The following COL5A2 variants were observed in gnomAD, a reference collection of about 807,000 sequenced individuals.
COL5A2 encodes the protein collagen alpha-2(V) chain.
In COL5A2, 23 loss-of-function variants were observed where a neutral mutation model predicts 208.2. The observed-to-expected ratio is 0.11, with a 90% CI of 0.08 to 0.16. COL5A2 has a LOEUF of 0.16. Among genes scored for constraint, COL5A2 ranks in the 10% least tolerant of loss-of-function variants. The pLI is 1.00. For synonymous variants in COL5A2, 625 were observed against 628.5 expected, an observed-to-expected ratio of 0.99 and a Z score of 0.08; for missense variants, 1,590 against 1,956.4, an observed-to-expected ratio of 0.81 and a Z score of 3.53.
At chr2:189,176,583 T>C (rs1422398527) in intron 1 of COL5A2, among the ~76,000 whole-genome samples, 1 of 152,092 alleles carries the variant, frequency 6.6e-6, no homozygotes, top group Non-Finnish European at 1.5e-5. Context: ...TATATATAGC[T>C]CACTAGATGC....
chr2:189,313,791 A>G, the COL5A2 span, among the ~76,000 whole-genome samples: 5 of 152,208 alleles, frequency 3.3e-5, no homozygotes, highest in Non-Finnish European at 7.3e-5. Flanking sequence ...AGGGGTTGCA[A>G]TTCTCCTTTC....
At chr2:189,366,140 A>G in the COL5A2 span, among the ~76,000 whole-genome samples, 59 of 152,118 alleles carry the variant, frequency 3.9e-4, no homozygotes, top group Non-Finnish European at 6.6e-4. Context: ...AGGCCCTTGT[A>G]AGGATTAATT....
At chr2:189,050,759 T>C in intron 42 of COL5A2, 83 bp from the exon 43 acceptor site, 3 of 1,164,016 alleles carry the variant, frequency 2.6e-6, no homozygotes, top group Non-Finnish European at 3.7e-6. Flanking sequence ...GGGTACAGCT[T>C]TACAGGTTTT....
upstream of COL5A2, among the ~76,000 whole-genome samples, chr2:189,226,765 CAT>C (rs1391737668): frequency 1.3e-5 from 2 of 152,120 alleles, no homozygotes; most frequent in Non-Finnish European, 2.9e-5. Context: ...AAGTGGAACA[CAT>C]GTCCAACAGT....
chr2:189,207,616 A>T (rs919032085), intron 1 of COL5A2, among the ~76,000 whole-genome samples: 3 of 152,174 alleles, frequency 2.0e-5, no homozygotes, highest in Non-Finnish European at 4.4e-5. Flanking sequence ...ACAATGAAAT[A>T]AGTATTCTAG....
chr2:189,142,369 A>AT (rs757583380), intron 1 of COL5A2, among the ~76,000 whole-genome samples: 17 of 152,108 alleles, frequency 1.1e-4, no homozygotes, highest in Admixed American at 3.9e-4. Flanking sequence ...ATAATTATAA[A>AT]TTTTTTATAT....
At chr2:189,047,176 C>A (rs1363308844) in intron 45 of COL5A2, among the ~76,000 whole-genome samples, 2 of 151,510 alleles carry the variant, frequency 1.3e-5, no homozygotes, top group Non-Finnish European at 2.9e-5. Context: ...TACCAGGAAT[C>A]ACCTCCTTTG....
At position 189,049,339 on chromosome 2, in the gene COL5A2, G is replaced by C. The variant is rs1352308770; in HGVS notation, c.3147+8C>G. 6.3e-7 allele frequency: 1 copy of C among 1,579,196 alleles called. No individual in the cohort carries two copies. The highest frequency in any genetic ancestry group is 8.7e-7 in the Non-Finnish European group (1 of 1,150,242). ...CAAGAGAAGAGTTATTTTCACTGTA[G>C]TACTCACTTCTGGTCCAGGTTCCCC... On this transcript the variant is annotated splice_region_variant and intron_variant, in intron 44 of 53. Coordinates refer to ENST00000374866, the MANE Select transcript of COL5A2 (RefSeq NM_000393.5).
intron 1 of COL5A2, among the ~76,000 whole-genome samples, chr2:189,167,715 A>C (rs1417390844): frequency 6.8e-6 from 1 of 146,138 alleles, no homozygotes; most frequent in African/African-American, 2.5e-5. Context: ...ATCCCTGTGC[A>C]GTGAAGCAAT....
intron 1 of COL5A2, among the ~76,000 whole-genome samples, chr2:189,121,678 A>C (rs1391938573): frequency 7.0e-6 from 1 of 142,226 alleles, no homozygotes; most frequent in Non-Finnish European, 1.5e-5. Flanking sequence ...CAGAGCTTGC[A>C]GTGAGCCGAA....
chr2:189,125,402 T>C (rs1687588174), intron 1 of COL5A2, among the ~76,000 whole-genome samples: 2 of 152,150 alleles, frequency 1.3e-5, no homozygotes, highest in South Asian at 2.1e-4. Context: ...AAATTGCACA[T>C]ACAGCAGTAT....
the COL5A2 span, among the ~76,000 whole-genome samples, chr2:189,421,547 G>T: frequency 6.6e-6 from 1 of 151,980 alleles, no homozygotes; most frequent in Non-Finnish European, 1.5e-5. Flanking sequence ...GAAAGAGAGA[G>T]AAGTAAGCAA....
chr2:189,160,277 T>C (rs898328075), intron 1 of COL5A2, among the ~76,000 whole-genome samples: 2 of 152,166 alleles, frequency 1.3e-5, no homozygotes. Context: ...ACTACTTATA[T>C]GTAGTGTGAT....
intron 1 of COL5A2, among the ~76,000 whole-genome samples, chr2:189,173,913 A>G (rs1469446144): frequency 5.3e-5 from 8 of 152,182 alleles, no homozygotes; most frequent in Non-Finnish European, 1.2e-4. Context: ...CACCCTTACT[A>G]TATCTCTAAT....
At chr2:189,186,791 T>C (rs970955060) in intron 1 of COL5A2, among the ~76,000 whole-genome samples, 2 of 152,222 alleles carry the variant, frequency 1.3e-5, no homozygotes, top group African/African-American at 4.8e-5. Context: ...TGAATTTAAT[T>C]ATCAATGCTA....
At chr2:189,129,771 A>G (rs1048272919) in intron 1 of COL5A2, among the ~76,000 whole-genome samples, 3 of 152,010 alleles carry the variant, frequency 2.0e-5, no homozygotes, top group African/African-American at 7.2e-5. Context: ...CCAAATACAC[A>G]TATTATGCAG....
intron 1 of COL5A2, among the ~76,000 whole-genome samples, chr2:189,136,347 TTA>T (rs888815806): frequency 6.6e-6 from 1 of 150,840 alleles, no homozygotes; most frequent in Admixed American, 6.6e-5. Flanking sequence ...AAATACATAT[TTA>T]TATATATGCT....
At chr2:189,286,695 T>A in the COL5A2 span, among the ~76,000 whole-genome samples, 1 of 152,182 alleles carries the variant, frequency 6.6e-6, no homozygotes, top group Non-Finnish European at 1.5e-5. Flanking sequence ...GTGAATTAAA[T>A]CCTTAAAAGA....
intron 1 of COL5A2, among the ~76,000 whole-genome samples, chr2:189,123,211 A>T (rs771022895): frequency 3.3e-5 from 5 of 152,032 alleles, no homozygotes; most frequent in Non-Finnish European, 5.9e-5. Flanking sequence ...TGATCCACCC[A>T]CCTCGGCCTC....
Sources: gnomAD v4.1 joint callset for allele counts (sites outside exome capture counted in the v4.1 genomes callset) on GRCh38, gnomAD v4.1.1 for gene constraint, MANE v1.5 for transcripts, NCBI Gene and HGNC (gene_info 2026-07-23, HGNC 2026-07-21) for gene names.